Variants in DPP10 observed in about 807,000 individuals in gnomAD.
DPP10 encodes inactive dipeptidyl peptidase 10.
DPP10 carries 33 observed loss-of-function variants against 120.9 expected under a neutral mutation model. The ratio of observed to expected loss-of-function variants is 0.27; its 90% CI spans 0.21 to 0.37. The LOEUF is 0.37. DPP10 is among the 10% of genes least tolerant of loss of function. The pLI, the probability that DPP10 is intolerant of heterozygous loss-of-function variation, is 1.00. For missense variants in DPP10, 816 were observed against 942.8 expected (o/e 0.87, Z 1.76); for synonymous variants, 337 against 326.1 (o/e 1.03, Z -0.36).
intron 4 of DPP10, among the ~76,000 whole-genome samples, chr2:115,516,574 G>T (rs1468327363): frequency 5.1e-4 from 70 of 138,156 alleles, no homozygotes; most frequent in Middle Eastern, 3.7e-3. Context: ...GTTATTCTTT[G>T]TTTTTTTTTT....
At chr2:114,484,176 G>A (rs1007462732) in intron 1 of DPP10, among the ~76,000 whole-genome samples, 4 of 152,142 alleles carry the variant, frequency 2.6e-5, no homozygotes, top group Admixed American at 6.6e-5. Context: ...CCTAAGCCAG[G>A]TTCATGTCCT....
At chr2:114,649,613 A>G (rs1696422100) in intron 1 of DPP10, among the ~76,000 whole-genome samples, 1 of 151,802 alleles carries the variant, frequency 6.6e-6, no homozygotes, top group Non-Finnish European at 1.5e-5. Flanking sequence ...CGGCCTCCCA[A>G]AGTGCTGGGA....
chr2:115,687,841 A>C (rs1200758875), intron 5 of DPP10, among the ~76,000 whole-genome samples: 1 of 152,066 alleles, frequency 6.6e-6, no homozygotes, highest in Non-Finnish European at 1.5e-5. Context: ...GCTTTGCCTA[A>C]AATGATAATG....
chr2:114,606,448 C>T (rs961648622), intron 1 of DPP10, among the ~76,000 whole-genome samples: 1 of 152,048 alleles, frequency 6.6e-6, no homozygotes, highest in Non-Finnish European at 1.5e-5. Context: ...ATTTGCCTGC[C>T]CTAGAGTTGT....
intron 2 of DPP10, among the ~76,000 whole-genome samples, chr2:115,319,384 A>G (rs1056951899): frequency 1.3e-5 from 2 of 152,140 alleles, no homozygotes; most frequent in Non-Finnish European, 2.9e-5. Context: ...TCTAGGTTTC[A>G]TATCAAAATA....
intron 1 of DPP10, among the ~76,000 whole-genome samples, chr2:115,203,038 A>C (rs1162454040): frequency 2.0e-5 from 3 of 152,222 alleles, no homozygotes. Context: ...GGAAATTTCA[A>C]TATATGGCCA....
At chr2:115,782,313 A>G in intron 16 of DPP10, 39 bp from the exon 17 acceptor site, 1 of 1,541,540 alleles carries the variant, frequency 6.5e-7, no homozygotes, top group Non-Finnish European at 8.9e-7. Context: ...TTACTTAGAC[A>G]TCTTTAAAAA....
At chr2:114,638,784 G>A (rs1010931705) in intron 1 of DPP10, among the ~76,000 whole-genome samples, 1 of 151,800 alleles carries the variant, frequency 6.6e-6, no homozygotes. Flanking sequence ...TCCAATTACT[G>A]TGTATATATC....
At chr2:115,435,766 C>T (rs985062522) in intron 3 of DPP10, among the ~76,000 whole-genome samples, 2 of 151,680 alleles carry the variant, frequency 1.3e-5, no homozygotes, top group African/African-American at 4.8e-5. Context: ...AAATCTTTGC[C>T]CAGATTAATG....
At chr2:115,790,969 A>C (rs1253974454) in intron 17 of DPP10, 112 bp from the exon 18 acceptor site, 1 of 663,504 alleles carries the variant, frequency 1.5e-6, no homozygotes, top group Non-Finnish European at 2.5e-6. Context: ...TGATGAGTTA[A>C]TCAGCACAGT....
At chr2:115,640,611 A>C (rs917324941) in intron 5 of DPP10, among the ~76,000 whole-genome samples, 1 of 152,196 alleles carries the variant, frequency 6.6e-6, no homozygotes, top group Non-Finnish European at 1.5e-5. Context: ...TTTATGAAGG[A>C]ATAGATAAGT....
At chr2:115,555,194 T>TAGAA (rs1481440284) in intron 5 of DPP10, among the ~76,000 whole-genome samples, 1 of 152,120 alleles carries the variant, frequency 6.6e-6, no homozygotes, top group Non-Finnish European at 1.5e-5. Context: ...TTCTAGAATA[T>TAGAA]ATTATTTCCT....
At chr2:115,758,025 G>A (rs1407978802) in intron 11 of DPP10, among the ~76,000 whole-genome samples, 1 of 151,954 alleles carries the variant, frequency 6.6e-6, no homozygotes, top group Non-Finnish European at 1.5e-5. Flanking sequence ...CTTTACCAGA[G>A]GCCCCACTCA....
At chr2:114,887,225 A>G (rs964426764) in intron 1 of DPP10, among the ~76,000 whole-genome samples, 1 of 152,202 alleles carries the variant, frequency 6.6e-6, no homozygotes, top group Middle Eastern at 3.2e-3. Flanking sequence ...TAGGTTAAAG[A>G]TGATTCATGG....
At chr2:114,689,603 T>C (rs1194835397) in intron 1 of DPP10, among the ~76,000 whole-genome samples, 2 of 152,100 alleles carry the variant, frequency 1.3e-5, no homozygotes, top group Non-Finnish European at 2.9e-5. Context: ...TACTCAGTAA[T>C]AGGATTGCTG....
At chr2:114,522,458 A>G (rs1685150753) in intron 1 of DPP10, among the ~76,000 whole-genome samples, 1 of 152,232 alleles carries the variant, frequency 6.6e-6, no homozygotes, top group Admixed American at 6.5e-5. Context: ...TAGAGAACTC[A>G]TTGAATTGGT....
At chr2:115,565,769 G>GTTT (rs144846765) in intron 5 of DPP10, among the ~76,000 whole-genome samples, 1 of 136,230 alleles carries the variant, frequency 7.3e-6, no homozygotes. Flanking sequence ...TGTTTGTTTT[G>GTTT]TTTTTTTTTG....
chr2:114,942,338 TACGTATATATAC>T (rs760236950), intron 1 of DPP10, among the ~76,000 whole-genome samples: 17 of 121,806 alleles, frequency 1.4e-4, no homozygotes, highest in Admixed American at 2.8e-4. Context: ...CATATATATA[TACGTATATATAC>T]ATATATATAT....
At chr2:114,832,830 G>A (rs931907514) in intron 1 of DPP10, among the ~76,000 whole-genome samples, 1 of 151,942 alleles carries the variant, frequency 6.6e-6, no homozygotes, top group African/African-American at 2.4e-5. Context: ...GGGGACATGA[G>A]TCAAGTCTAC....
Sources: allele counts gnomAD v4.1 joint callset (sites outside exome capture counted in the v4.1 genomes callset), GRCh38; gene constraint gnomAD v4.1.1; transcripts MANE v1.5; gene names NCBI Gene and HGNC (gene_info 2026-07-23, HGNC 2026-07-21).